The following MFSD8 variants were observed in gnomAD, a reference collection of about 807,000 sequenced individuals.
MFSD8 encodes the protein major facilitator superfamily domain containing 8, also known as major facilitator superfamily domain-containing protein 8.
Under a neutral mutation model 66.4 loss-of-function variants are expected in MFSD8, and 55 were observed. The observed-to-expected ratio is 0.83, with a 90% CI of 0.67 to 1.04. The LOEUF is 1.04. Among genes scored for constraint, MFSD8 ranks in the 50% least tolerant of loss-of-function variants. MFSD8 has a pLI of 0.00. For missense variants in MFSD8, 550 were observed against 627.6 expected (o/e 0.88, Z 1.32); for synonymous variants, 202 against 212.8 (o/e 0.95, Z 0.44).
At chr4:127,944,729 C>T (rs931774831) in intron 3 of MFSD8, among the ~76,000 whole-genome samples, 15 of 152,096 alleles carry the variant, frequency 9.9e-5, no homozygotes, top group East Asian at 1.9e-4. Flanking sequence ...GGTCCGATCA[C>T]GGCTCAGTGC....
At chr4:127,956,679 G>A (rs1361969923) in intron 2 of MFSD8, among the ~76,000 whole-genome samples, 1 of 151,880 alleles carries the variant, frequency 6.6e-6, no homozygotes, top group Non-Finnish European at 1.5e-5. Flanking sequence ...TTAGCCAGGG[G>A]TGGTGGCACA....
At chr4:127,963,627 C>T (rs1004030549) in intron 1 of MFSD8, among the ~76,000 whole-genome samples, 4 of 151,868 alleles carry the variant, frequency 2.6e-5, no homozygotes, top group African/African-American at 7.3e-5. Context: ...TCGTTCCTCC[C>T]CGTGGTCTCG....
rs867142185 is a variant in MFSD8, at chr4:127,938,600, T to A, written c.754+183A>T. On this transcript the variant is annotated intron_variant, in intron 7 of 11. Transcript: ENST00000641686. The stretch of plus-strand genomic sequence containing the variant: ...TCTGTCTCAAAAAAAAAAAAATAAA[T>A]AAATAAATAAATAAATAAATAAATA... Among the ~76,000 whole-genome samples the A allele has an allele frequency of 0.032, 3,863 of 120,544 alleles. 101 individuals carry two copies. Among genetic ancestry groups the A allele is most frequent in the East Asian group, 0.084 (261 of 3,110 alleles). The allele number at this position is 120,544 out of a possible 152,430, so 79.1% of individuals were successfully genotyped here.
rs1329378201 is a variant in MFSD8, at chr4:127,945,031, G to T, written c.199-1039C>A. 2.0e-5 allele frequency among the ~76,000 whole-genome samples: 3 copies of T among 152,216 alleles called. No homozygotes were observed. The South Asian group carries it at 6.2e-4, about 32-fold the overall frequency. On this transcript the variant is annotated intron_variant, in intron 3 of 11. Coordinates refer to ENST00000641686, the MANE Select transcript of MFSD8 (RefSeq NM_001371596.2). ...TCATATGTGGTAGGCTAAGCCAGGC[G>T]AAGTGGCCCATGCCTGTAATCTCAG... is the stretch of plus-strand genomic sequence containing the variant.
Position 127,943,900 on chromosome 4 carries a change from C to G in MFSD8, c.291G>C (p.Trp97Cys), listed in dbSNP as rs796052749. The G allele has an allele frequency of 1.9e-5, 31 of 1,613,972 alleles. No individual in the cohort carries two copies. Among genetic ancestry groups the G allele is most frequent in the Non-Finnish European group, 2.5e-5 (30 of 1,180,028 alleles). Reference protein sequence around the residue: ...QMVASPIFGLWSNYRPRKEPL... With the variant: ...QMVASPIFGLCSNYRPRKEPL... ...GCTCTTTTCTTGGTCTATAATTAGA[C>G]CATAAACCAAATATAGGTGAAGCTA... is the stretch of plus-strand genomic sequence containing the variant. The change falls in exon 4 of 12, where the codon TGG (tryptophan) becomes TGC (cysteine). Residue 97 changes from tryptophan to cysteine, a missense_variant. Transcript: ENST00000641686.
intron 9 of MFSD8, among the ~76,000 whole-genome samples, chr4:127,929,322 C>CAAAAAAAAAAAAAAAAAAA (rs543453360): frequency 3.3e-5 from 1 of 30,362 alleles, no homozygotes; most frequent in African/African-American, 1.9e-4. Flanking sequence ...GACTCCGTCA[C>CAAAAAAAAAAAAAAAAAAA]AAAAAAAAAA....
chr4:127,942,238 C>T (rs1740305228), intron 4 of MFSD8, 80 bp from the exon 5 acceptor site: 6 of 1,091,728 alleles, frequency 5.5e-6, no homozygotes, highest in South Asian at 1.3e-5. Flanking sequence ...TGACTTTATA[C>T]AGAAGAAGAA....
chr4:127,928,306 A>T (rs1378180590), intron 9 of MFSD8, among the ~76,000 whole-genome samples: 1 of 152,138 alleles, frequency 6.6e-6, no homozygotes, highest in East Asian at 1.9e-4. Context: ...TTTAGTAGAA[A>T]TGGGGTTTCA....
chr4:127,963,924 C>T (rs2148998324), intron 1 of MFSD8, among the ~76,000 whole-genome samples: 1 of 152,266 alleles, frequency 6.6e-6, no homozygotes, highest in East Asian at 1.9e-4. Flanking sequence ...CACAAAGGTT[C>T]TCCACGTCCC....
At chr4:127,951,448 C>G (rs1280312267) in intron 2 of MFSD8, among the ~76,000 whole-genome samples, 7 of 152,024 alleles carry the variant, frequency 4.6e-5, no homozygotes, top group Non-Finnish European at 7.4e-5. Context: ...AGGCTGGTCT[C>G]GAACTCCTGA....
chr4:127,931,285 T>C (rs771621833), intron 8 of MFSD8, among the ~76,000 whole-genome samples: 2 of 152,216 alleles, frequency 1.3e-5, no homozygotes, highest in Non-Finnish European at 2.9e-5. Context: ...ACTATATCCT[T>C]CCTTGCCAAG....
chr4:127,939,124 TAATA>T (rs1739648759), intron 6 of MFSD8: 2 of 227,032 alleles, frequency 8.8e-6, no homozygotes, highest in East Asian at 1.8e-4. Context: ...TAAACATTAG[TAATA>T]AATGTTTTTA....
intron 3 of MFSD8, 112 bp from the exon 4 acceptor site, chr4:127,944,104 C>T (rs756108984): frequency 4.4e-5 from 63 of 1,445,576 alleles, no homozygotes; most frequent in African/African-American, 1.1e-4. Flanking sequence ...ACAATTCTAA[C>T]GTATAAGTTT....
At chr4:127,947,366 A>G (rs978856113) in intron 3 of MFSD8, among the ~76,000 whole-genome samples, 1 of 152,046 alleles carries the variant, frequency 6.6e-6, no homozygotes, top group Non-Finnish European at 1.5e-5. Flanking sequence ...GGACCACCTG[A>G]GGTCAGGTAG....
intron 4 of MFSD8, among the ~76,000 whole-genome samples, chr4:127,942,854 G>A (rs1396180882): frequency 6.6e-6 from 1 of 152,172 alleles, no homozygotes; most frequent in East Asian, 1.9e-4. Context: ...TTTTCATTGA[G>A]TACATTACAT....
rs761969307 is a variant in MFSD8 at position 127,949,803 on chromosome 4, C to A, written c.198+1G>T. The A allele has an allele frequency of 6.2e-7, 1 of 1,611,806 alleles. No individual in the cohort carries two copies. The highest frequency in any genetic ancestry group is 8.5e-7 in the Non-Finnish European group (1 of 1,178,818). On this transcript the variant is annotated splice_donor_variant, in intron 3 of 11. Coordinates refer to ENST00000641686, the MANE Select transcript of MFSD8 (RefSeq NM_001371596.2). LOFTEE classifies it high-confidence loss of function. Reference sequence around the variant, plus strand: ...GGAAAAATAGATTGAAATGTACAAACCTTTTGGAGATATGGCCATATGGAC... The same window carrying A: ...GGAAAAATAGATTGAAATGTACAAAACTTTTGGAGATATGGCCATATGGAC...
chr4:127,924,905 T>C (rs1736941625), intron 9 of MFSD8, among the ~76,000 whole-genome samples: 1 of 151,964 alleles, frequency 6.6e-6, no homozygotes, highest in Non-Finnish European at 1.5e-5. Flanking sequence ...TATAGACCAA[T>C]GGAACAGAAT....
chr4:127,928,343 T>A (rs1026685038), intron 9 of MFSD8, among the ~76,000 whole-genome samples: 11 of 152,216 alleles, frequency 7.2e-5, no homozygotes, highest in Non-Finnish European at 1.6e-4. Flanking sequence ...GGTCTCGAAC[T>A]GCTGACCCCA....
In MFSD8 at chr4:127,922,565, C is replaced by A. The variant is rs373416222; in HGVS notation, c.999-602G>T. Reference sequence around the variant, plus strand: ...ACTTGAGCCCAGGAGGTCAAGGCTGCAATGAGCTGTGATGGCACCACTGCA... The same window carrying A: ...ACTTGAGCCCAGGAGGTCAAGGCTGAAATGAGCTGTGATGGCACCACTGCA... On this transcript the variant is annotated intron_variant, in intron 9 of 11. Coordinates refer to ENST00000641686, the MANE Select transcript of MFSD8 (RefSeq NM_001371596.2). Among the ~76,000 whole-genome samples the A allele has an allele frequency of 4.7e-4, 71 of 151,192 alleles. No homozygotes were observed. In the South Asian group the frequency reaches 0.015, roughly 31 times the overall value.
Sources: gnomAD v4.1 joint callset for allele counts (sites outside exome capture counted in the v4.1 genomes callset) on GRCh38, gnomAD v4.1.1 for gene constraint, MANE v1.5 for transcripts, NCBI Gene and HGNC (gene_info 2026-07-23, HGNC 2026-07-21) for gene names.